The following CDH13 variants were observed in gnomAD, a reference collection of about 807,000 sequenced individuals.
CDH13 encodes cadherin-13.
Under a neutral mutation model 63.8 loss-of-function variants are expected in CDH13, and 24 were observed. The ratio of observed to expected loss-of-function variants is 0.38; its 90% CI spans 0.27 to 0.53. The LOEUF is 0.53. CDH13 is among the 20% of genes least tolerant of loss of function. The probability of loss-of-function intolerance (pLI) is 0.85; values close to 1 mark genes in which losing one functional copy is unlikely to be tolerated. For missense variants in CDH13, 1,049 were observed against 903.1 expected (o/e 1.16, Z -2.07); for synonymous variants, 503 against 355.3 (o/e 1.42, Z -4.67).
intron 11 of CDH13, among the ~76,000 whole-genome samples, chr16:83,755,045 A>G (rs1913393236): frequency 6.6e-6 from 1 of 152,174 alleles, no homozygotes; most frequent in African/African-American, 2.4e-5. Flanking sequence ...CAGATATTTG[A>G]ATTAGCACAC....
At chr16:82,838,263 T>C (rs1238467657) in intron 1 of CDH13, among the ~76,000 whole-genome samples, 1 of 152,216 alleles carries the variant, frequency 6.6e-6, no homozygotes, top group African/African-American at 2.4e-5. Flanking sequence ...TTATTCTTGT[T>C]CATGGGTATC....
chr16:83,117,025 G>A (rs1335806638), intron 3 of CDH13, among the ~76,000 whole-genome samples: 1 of 152,236 alleles, frequency 6.6e-6, no homozygotes, highest in African/African-American at 2.4e-5. Flanking sequence ...GAGCTACAGT[G>A]AATGTAGCTT....
chr16:83,025,962 A>G (rs1915764333), intron 2 of CDH13, among the ~76,000 whole-genome samples: 2 of 152,122 alleles, frequency 1.3e-5, no homozygotes, highest in Non-Finnish European at 2.9e-5. Context: ...GGGGGCAGGT[A>G]TTGCTATTCT....
At chr16:83,283,294 A>T (rs548327725) in intron 5 of CDH13, among the ~76,000 whole-genome samples, 1 of 152,332 alleles carries the variant, frequency 6.6e-6, no homozygotes, top group Admixed American at 6.5e-5. Flanking sequence ...TGTATTTTAA[A>T]AAGTTCCACA....
At chr16:82,900,627 T>C (rs770274576) in intron 2 of CDH13, among the ~76,000 whole-genome samples, 1 of 151,970 alleles carries the variant, frequency 6.6e-6, no homozygotes, top group Non-Finnish European at 1.5e-5. Flanking sequence ...AGGAAGTGAT[T>C]GAAGATGAGA....
intron 10 of CDH13, among the ~76,000 whole-genome samples, chr16:83,712,147 A>G (rs1016675395): frequency 6.6e-6 from 1 of 152,198 alleles, no homozygotes; most frequent in Non-Finnish European, 1.5e-5. Flanking sequence ...AGACAATCAT[A>G]CTGTGAGGTG....
chr16:82,896,868 C>T (rs1343202942), intron 2 of CDH13, among the ~76,000 whole-genome samples: 1 of 149,594 alleles, frequency 6.7e-6, no homozygotes, highest in Non-Finnish European at 1.5e-5. Context: ...GCAAGCTCCG[C>T]CTCCCAGGTT....
chr16:83,356,508 G>A (rs1198415052), intron 6 of CDH13, among the ~76,000 whole-genome samples: 1 of 152,146 alleles, frequency 6.6e-6, no homozygotes, highest in African/African-American at 2.4e-5. Context: ...CAGGGAGCTT[G>A]ATAAAGCAGC....
chr16:83,474,034 C>G (rs544498315), intron 6 of CDH13, among the ~76,000 whole-genome samples: 3 of 152,146 alleles, frequency 2.0e-5, no homozygotes, highest in Non-Finnish European at 1.5e-5. Flanking sequence ...TTGTGTGTCC[C>G]TCTGAGCCCA....
At chr16:83,308,370 C>G (rs570761233) in intron 5 of CDH13, among the ~76,000 whole-genome samples, 1 of 152,198 alleles carries the variant, frequency 6.6e-6, no homozygotes, top group African/African-American at 2.4e-5. Flanking sequence ...TGAGGCTAAA[C>G]TCATATTTGA....
chr16:82,915,262 G>A (rs1597205800), intron 2 of CDH13, among the ~76,000 whole-genome samples: 1 of 152,186 alleles, frequency 6.6e-6, no homozygotes, highest in Non-Finnish European at 1.5e-5. Context: ...AATATCGCAA[G>A]AGTCTAATGT....
chr16:83,501,640 C>T (rs996914245), intron 7 of CDH13, among the ~76,000 whole-genome samples: 1 of 152,170 alleles, frequency 6.6e-6, no homozygotes, highest in African/African-American at 2.4e-5. Flanking sequence ...ATCCATTCTA[C>T]TAGGAGGGTT....
At chr16:83,542,219 G>A (rs1030098665) in intron 7 of CDH13, among the ~76,000 whole-genome samples, 12 of 152,172 alleles carry the variant, frequency 7.9e-5, no homozygotes, top group African/African-American at 2.7e-4. Flanking sequence ...CAGCAGTTCT[G>A]AGCCTTGGTT....
At chr16:82,859,956 A>G (rs549447220) in intron 2 of CDH13, among the ~76,000 whole-genome samples, 2 of 152,300 alleles carry the variant, frequency 1.3e-5, no homozygotes, top group East Asian at 1.9e-4. Context: ...GAATTCCAAT[A>G]TGTGATTTCC....
rs553439758 is a variant in CDH13 at position 82,908,489 on chromosome 16, G to C, written c.157+50016G>C. ...CAGGGGCCACCTGCCCAGCAGGCAT[G>C]GGCATCAGATGAAGGCATTTTTTAA... On this transcript the variant is annotated intron_variant, in intron 2 of 13. Transcript: ENST00000567109. 5.1e-4 allele frequency among the ~76,000 whole-genome samples: 77 copies of C among 152,160 alleles called. 1 individual carries two copies. The highest frequency in any genetic ancestry group is 9.0e-4 in the Non-Finnish European group (61 of 68,024).
At chr16:82,959,142 A>G (rs905037002) in intron 2 of CDH13, among the ~76,000 whole-genome samples, 1 of 152,246 alleles carries the variant, frequency 6.6e-6, no homozygotes, top group African/African-American at 2.4e-5. Context: ...CACATACACA[A>G]CAAGTAAATT....
intron 12 of CDH13, 141 bp from the exon 13 acceptor site, chr16:83,783,113 T>A: frequency 4.6e-6 from 3 of 647,872 alleles, no homozygotes; most frequent in Non-Finnish European, 8.2e-6. Flanking sequence ...CACTTGATGT[T>A]AATGAATTTA....
At chr16:82,744,216 G>A (rs776916424) in intron 1 of CDH13, among the ~76,000 whole-genome samples, 114 of 152,188 alleles carry the variant, frequency 7.5e-4, no homozygotes, top group Non-Finnish European at 1.2e-3. Context: ...GCAAATACCT[G>A]GTTGGAATAA....
chr16:83,259,249 A>G (rs1435770614), intron 5 of CDH13, among the ~76,000 whole-genome samples: 2 of 152,184 alleles, frequency 1.3e-5, no homozygotes, highest in East Asian at 1.9e-4. Flanking sequence ...TCATCTGTGA[A>G]GTGGAGCTAA....
Sources: allele counts gnomAD v4.1 joint callset (sites outside exome capture counted in the v4.1 genomes callset), GRCh38; gene constraint gnomAD v4.1.1; transcripts MANE v1.5; gene names NCBI Gene and HGNC (gene_info 2026-07-23, HGNC 2026-07-21).